The following ZNF718 variants were observed in gnomAD, a reference collection of about 807,000 sequenced individuals.
ZNF718 encodes the protein zinc finger protein 718.
Under a neutral mutation model 2.6 loss-of-function variants are expected in ZNF718, and 3 were observed. The observed-to-expected ratio is 1.16, with a 90% confidence interval of 0.53 to 3.01. The LOEUF (loss-of-function observed/expected upper bound fraction) is 3.01. Ranked by LOEUF, ZNF718 falls within the 30% of genes most tolerant of loss-of-function variation. The pLI, the probability that ZNF718 is intolerant of heterozygous loss-of-function variation, is 0.03. For synonymous variants in ZNF718, 135 were observed against 77.9 expected, an observed-to-expected ratio of 1.73 and a Z score of -3.86; for missense variants, 468 against 230.0, an observed-to-expected ratio of 2.03 and a Z score of -6.69.
At chr4:165,851 T>G (rs544728317), downstream of ZNF718, among the ~76,000 whole-genome samples, 91 of 103,342 alleles carry the variant, frequency 8.8e-4, no homozygotes, top group South Asian at 0.028. Flanking sequence ...TTACGTTCTT[T>G]TTTTTTATTA....
intron 3 of ZNF718, among the ~76,000 whole-genome samples, chr4:144,655 C>A (rs1715968200): frequency 6.6e-6 from 1 of 151,750 alleles, no homozygotes; most frequent in Non-Finnish European, 1.5e-5. Context: ...AATATCTTTC[C>A]TTTTTTTTCT....
chr4:162,053 C>T lies in ZNF718; in HGVS notation c.1368C>T (p.Cys456=), dbSNP rs369590905. The T allele has an allele frequency of 2.6e-5, 20 of 775,680 alleles. No individual in the cohort carries two copies. The highest frequency in any genetic ancestry group is 1.4e-4 in the African/African-American group (8 of 59,072). 48.0% of individuals were successfully genotyped at this position (775,680 alleles called of 1,614,324 possible). A position where few individuals can be genotyped will look rare whatever the true frequency, so the allele number is the denominator to read the frequency against. ...ATAAACCCTACAAATGTAAAGAATG[C>T]GGGAAAGCTTTTAAGCAGTACTCCA... is the stretch of plus-strand genomic sequence containing the variant. ...TVDKPYKCKE[C]GKAFKQYSNL... The change falls in exon 4 of 4, where the codon TGC becomes TGT. Residue 456 remains cysteine (C), a synonymous_variant. Coordinates refer to ENST00000510175, the MANE Select transcript of ZNF718 (RefSeq NM_001039127.6).
chr4:146,153 T>A (rs1553811275), intron 3 of ZNF718, among the ~76,000 whole-genome samples: 3 of 151,436 alleles, frequency 2.0e-5, no homozygotes. Context: ...AAGTTAGGAT[T>A]CCATCCTTAT....
At chr4:166,600 G>A (rs193096427), downstream of ZNF718, among the ~76,000 whole-genome samples, 1 of 152,338 alleles carries the variant, frequency 6.6e-6, no homozygotes, top group African/African-American at 2.4e-5. Context: ...CTGATGGCCA[G>A]TGATGATGAG....
Position 161,910 on chromosome 4 carries a change from A to C in ZNF718, c.1225A>C (p.Asn409His). The part of the protein sequence containing the change: ...DCGKAFKVFA[N>H]LHNHKKIHTG... ...TGGCAAAGCCTTTAAAGTGTTTGCA[A>C]ACCTGCATAATCATAAGAAAATTCA... The change falls in exon 4 of 4, where the codon AAC (asparagine) becomes CAC (histidine). Residue 409 changes from asparagine (N) to histidine (H), a missense_variant. Asn to His is a moderately conservative substitution (Grantham distance 68). Coordinates refer to ENST00000510175, the MANE Select transcript of ZNF718 (RefSeq NM_001039127.6). 1 of 779,994 alleles carries C rather than the reference A, an allele frequency of 1.3e-6. No homozygotes were observed. The highest frequency in any genetic ancestry group is 1.3e-5 in the South Asian group (1 of 74,514). The allele number at this position is 779,994 out of a possible 1,614,324, so 48.3% of individuals were successfully genotyped here.
At position 193,512 on chromosome 4, in the gene ZNF718, C is replaced by G. The variant is rs1717734547; in HGVS notation, c.227-7569C>G. 2.0e-5 allele frequency among the ~76,000 whole-genome samples: 3 copies of G among 152,128 alleles called. No homozygotes were observed. In the South Asian group the frequency reaches 6.2e-4, roughly 31 times the overall value. ...CCGGCTTTTGCTAGGATGTCTCTCC[C>G]TAAGAAAGGAGTGGGGCTTTCAGGC... On this transcript the variant is annotated intron_variant and NMD_transcript_variant, in intron 3 of 4. Transcript: ENST00000642529.
chr4:126,550 G>A (rs1553808052), intron 1 of ZNF718, among the ~76,000 whole-genome samples: 1 of 152,142 alleles, frequency 6.6e-6, no homozygotes, highest in Non-Finnish European at 1.5e-5. Context: ...GTGGGTCTAC[G>A]TCCTGTCATG....
intron 3 of ZNF718, among the ~76,000 whole-genome samples, chr4:197,105 A>T (rs1717806653): frequency 6.6e-6 from 1 of 151,032 alleles, no homozygotes; most frequent in African/African-American, 2.4e-5. Context: ...TACTTCAAGA[A>T]AAAAGAAACA....
At chr4:132,908 G>A (rs1285920631) in intron 3 of ZNF718, among the ~76,000 whole-genome samples, 1 of 100,004 alleles carries the variant, frequency 1.0e-5, no homozygotes, top group African/African-American at 3.5e-5. Context: ...GGCCGGACAC[G>A]GTGGCTCACA....
intron 3 of ZNF718, among the ~76,000 whole-genome samples, chr4:140,400 G>T (rs929525621): frequency 1.3e-5 from 2 of 152,134 alleles, no homozygotes; most frequent in African/African-American, 4.8e-5. Flanking sequence ...ATGCTGTTTG[G>T]CCCCAACATT....
chr4:175,739 C>T (rs1553818976), intron 3 of ZNF718, among the ~76,000 whole-genome samples: 2 of 152,060 alleles, frequency 1.3e-5, no homozygotes. Context: ...CCTTTGTTAC[C>T]ATAAACCAAC....
At chr4:192,527 A>C (rs1433222725) in intron 3 of ZNF718, among the ~76,000 whole-genome samples, 6 of 152,292 alleles carry the variant, frequency 3.9e-5, no homozygotes, top group African/African-American at 1.4e-4. Context: ...CAGGAAATCC[A>C]GCTAGTCCTG....
intron 3 of ZNF718, chr4:136,309 A>G (rs1715569667): frequency 3.9e-6 from 2 of 512,068 alleles, no homozygotes; most frequent in Admixed American, 3.9e-5. Context: ...GAGGGCTAGA[A>G]CTGAGTCACA....
At chr4:125,739 G>C (rs916395948) in intron 1 of ZNF718, among the ~76,000 whole-genome samples, 2 of 152,200 alleles carry the variant, frequency 1.3e-5, no homozygotes, top group African/African-American at 2.4e-5. Context: ...CCTGCTGCCA[G>C]CCCCCACCCA....
intron 3 of ZNF718, among the ~76,000 whole-genome samples, chr4:151,269 A>AT (rs1360197469): frequency 1.3e-5 from 2 of 150,072 alleles, no homozygotes; most frequent in Non-Finnish European, 3.0e-5. Context: ...TGCCCAGCTA[A>AT]TTTTTTTTTG....
intron 3 of ZNF718, among the ~76,000 whole-genome samples, chr4:178,399 A>G (rs1221767294): frequency 6.6e-6 from 1 of 152,090 alleles, no homozygotes; most frequent in Non-Finnish European, 1.5e-5. Flanking sequence ...TCAGCCTCCC[A>G]AAGTGTTAGA....
At chr4:134,563 A>T (rs988657191) in intron 3 of ZNF718, among the ~76,000 whole-genome samples, 1 of 152,206 alleles carries the variant, frequency 6.6e-6, no homozygotes, top group African/African-American at 2.4e-5. Context: ...ATAATACGGT[A>T]CTTTGACAGT....
chr4:143,626 G>T (rs1177296089), intron 3 of ZNF718, among the ~76,000 whole-genome samples: 1 of 152,074 alleles, frequency 6.6e-6, no homozygotes, highest in Non-Finnish European at 1.5e-5. Context: ...AACAAATCAG[G>T]TTTTTTTTCT....
At position 124,701 on chromosome 4, in the gene ZNF718, G is replaced by A. The variant is rs199579857; in HGVS notation, c.3+28G>A. ...GAGTGTGCAGGGCAGGGCGTCCCAAGGCTGTGGAGGCCTCATCGGAACCGG... is the reference window on the plus strand; with the variant it reads ...GAGTGTGCAGGGCAGGGCGTCCCAAAGCTGTGGAGGCCTCATCGGAACCGG... On this transcript the variant is annotated intron_variant, in intron 1 of 3. Transcript: ENST00000510175. The A allele has an allele frequency of 3.2e-5, 51 of 1,608,536 alleles. 1 individual carries two copies. Among genetic ancestry groups the A allele is most frequent in the South Asian group, 1.1e-5 (1 of 91,042 alleles).
Sources: allele counts gnomAD v4.1 joint callset (sites outside exome capture counted in the v4.1 genomes callset), GRCh38; gene constraint gnomAD v4.1.1; transcripts MANE v1.5; gene names NCBI Gene and HGNC (gene_info 2026-07-23, HGNC 2026-07-21).